SLC38A4: variants seen among roughly 807,000 people sequenced by gnomAD.
SLC38A4 encodes the protein sodium-coupled neutral amino acid transporter 4.
In SLC38A4, 20 loss-of-function variants were observed where a neutral mutation model predicts 63.1. That is an observed-to-expected ratio of 0.32 (90% confidence interval 0.22 to 0.46). The LOEUF (loss-of-function observed/expected upper bound fraction) is 0.46, where lower values mean the gene tolerates loss of function less well. SLC38A4 is among the 20% of genes least tolerant of loss of function. The pLI, the probability that SLC38A4 is intolerant of heterozygous loss-of-function variation, is 1.00. For missense variants in SLC38A4, 526 were observed against 663.6 expected (o/e 0.79, Z 2.28); for synonymous variants, 230 against 225.5 (o/e 1.02, Z -0.18).
In SLC38A4 at chr12:46,778,327, G is replaced by A; in HGVS notation, c.1035C>T (p.Cys345=). 3 of 1,612,666 alleles carry A rather than the reference G, an allele frequency of 1.9e-6. No individual in the cohort carries two copies. Among genetic ancestry groups the A allele is most frequent in the Non-Finnish European group, 2.5e-6 (3 of 1,179,142 alleles). The change falls in exon 12 of 17, where the codon TGC becomes TGT. Residue 345 remains cysteine, a synonymous_variant. Coordinates refer to ENST00000266579, the MANE Select transcript of SLC38A4 (RefSeq NM_018018.5). ...TGTAGATGGGAAGGACCTCAGGGTG[G>A]CATACAAAAGCAAATACTAGGATAG... is the stretch of plus-strand genomic sequence containing the variant. ...AIPILVFAFV[C]HPEVLPIYSE...
chr12:46,807,892 C>CA (rs543740560), intron 1 of SLC38A4, among the ~76,000 whole-genome samples: 1 of 128,894 alleles, frequency 7.8e-6, no homozygotes, highest in African/African-American at 2.8e-5. Context: ...AAATGTTACC[C>CA]CCCCCCCCAA....
At chr12:46,768,288 G>A (rs771293759) in intron 16 of SLC38A4, 22 bp downstream of exon 16, 2 of 1,527,882 alleles carry the variant, frequency 1.3e-6, no homozygotes, top group East Asian at 4.5e-5. Context: ...TAATAATGGG[G>A]GAAATTGCAA....
Position 46,793,166 on chromosome 12 carries a change from T to A in SLC38A4, c.-95A>T, listed in dbSNP as rs1373571971. On this transcript the variant is annotated 5_prime_UTR_variant, in exon 3 of 17. Transcript: ENST00000266579. ...TTAAGGTTCTTCCACTTTGTGTTGA[T>A]GTTCAGAACACTCTGTTCTGCAAAC... 3 of 809,132 alleles carry A rather than the reference T, an allele frequency of 3.7e-6. No individual in the cohort carries two copies. The Admixed American group carries it at 5.6e-5, about 15-fold the overall frequency. 50.1% of individuals were successfully genotyped at this position (809,132 alleles called of 1,614,324 possible).
At chr12:46,796,351 T>G (rs1939004416) in intron 2 of SLC38A4, among the ~76,000 whole-genome samples, 1 of 152,188 alleles carries the variant, frequency 6.6e-6, no homozygotes. Context: ...TTCCCTAAAT[T>G]ATACGTTTCT....
Position 46,765,656 on chromosome 12 carries a change from T to A in SLC38A4, c.*1045A>T. On this transcript the variant is annotated 3_prime_UTR_variant, in exon 17 of 17. Coordinates refer to ENST00000266579, the MANE Select transcript of SLC38A4 (RefSeq NM_018018.5). ...CCCCCACCCCCAATAATATAAATGC[T>A]TTGACTGTGAAGAAAGAAAACTACA... is the stretch of plus-strand genomic sequence containing the variant. 1 of 177,318 alleles carries A rather than the reference T, an allele frequency of 5.6e-6. No individual in the cohort carries two copies. 11.0% of individuals were successfully genotyped at this position (177,318 alleles called of 1,614,324 possible).
In SLC38A4 at chr12:46,774,910, C is replaced by T. The variant is rs1014814566; in HGVS notation, c.1299+139G>A. The T allele has an allele frequency of 3.7e-5, 37 of 1,004,352 alleles. No individual in the cohort carries two copies. The African/African-American group carries it at 5.3e-4, about 14-fold the overall frequency. 62.2% of individuals were successfully genotyped at this position (1,004,352 alleles called of 1,614,324 possible). ...ATTAAATGGCCAATTTTAAGTGACT[C>T]AAAATGCTATAGGAAAATAATATCC... On this transcript the variant is annotated intron_variant, in intron 14 of 16. Transcript: ENST00000266579.
chr12:46,789,105 G>A (rs1230517649), intron 3 of SLC38A4, among the ~76,000 whole-genome samples: 2 of 151,994 alleles, frequency 1.3e-5, no homozygotes, highest in African/African-American at 4.8e-5. Flanking sequence ...GGCTCAGAAA[G>A]GTGAAGCAGC....
upstream of SLC38A4, among the ~76,000 whole-genome samples, chr12:46,829,246 C>T (rs1432620832): frequency 6.6e-6 from 1 of 152,112 alleles, no homozygotes; most frequent in East Asian, 1.9e-4. Flanking sequence ...TTCACTTGTC[C>T]CTCCCCTACT....
chr12:46,768,198 A>AT, intron 16 of SLC38A4, 112 bp downstream of exon 16: 1 of 748,546 alleles, frequency 1.3e-6, no homozygotes, highest in Non-Finnish European at 2.1e-6. Flanking sequence ...CCCAGTTTTG[A>AT]TTTTTGGTTC....
intron 9 of SLC38A4, 39 bp downstream of exon 9, chr12:46,779,741 A>C: frequency 6.3e-7 from 1 of 1,585,184 alleles, no homozygotes; most frequent in Non-Finnish European, 8.6e-7. Context: ...TAAATGTGAA[A>C]TAAAAATAAA....
chr12:46,766,217 G>T lies in SLC38A4; in HGVS notation c.*484C>A. ...AAACAGTTCCTAAGACATGCCTTTTGCCTCTGTTAGTAAACAGACCAGAGA... is the reference window on the plus strand; with the variant it reads ...AAACAGTTCCTAAGACATGCCTTTTTCCTCTGTTAGTAAACAGACCAGAGA... On this transcript the variant is annotated 3_prime_UTR_variant, in exon 17 of 17. Transcript: ENST00000266579. 5.6e-6 allele frequency: 2 copies of T among 359,508 alleles called. No individual in the cohort carries two copies. Among genetic ancestry groups the T allele is most frequent in the Non-Finnish European group, 1.1e-5 (2 of 181,700 alleles). The allele number at this position is 359,508 out of a possible 1,614,324, so 22.3% of individuals were successfully genotyped here.
intron 7 of SLC38A4, among the ~76,000 whole-genome samples, chr12:46,783,267 AG>A (rs1938687440): frequency 2.0e-5 from 3 of 146,794 alleles, no homozygotes; most frequent in East Asian, 4.0e-4. Context: ...ATAGATAGAT[AG>A]ATAGATAAAG....
chr12:46,768,108 C>T (rs1279013762), intron 16 of SLC38A4, among the ~76,000 whole-genome samples: 1 of 152,134 alleles, frequency 6.6e-6, no homozygotes, highest in Non-Finnish European at 1.5e-5. Context: ...ACAGACTCAA[C>T]ACAGGATATT....
At position 46,778,648 on chromosome 12, in the gene SLC38A4, A is replaced by G. The variant is rs138924323; in HGVS notation, c.846T>C (p.Asp282=). 52 of 1,613,054 alleles carry G rather than the reference A, an allele frequency of 3.2e-5. No individual in the cohort carries two copies. The African/African-American group carries it at 6.3e-4, about 19-fold the overall frequency. ...GGGTGTAATCCATCATGAAGTTCAC[A>G]TCAGAACTCTCAGAGTTGTTGGGTA... is the stretch of plus-strand genomic sequence containing the variant. ...VMLPNNSESS[D]VNFMMDYTHR... The change falls in exon 11 of 17, where the codon GAT becomes GAC. Residue 282 remains aspartate (D), a synonymous_variant. Transcript: ENST00000266579.
chr12:46,779,319 T>A (rs1938592276), intron 10 of SLC38A4, among the ~76,000 whole-genome samples: 1 of 151,940 alleles, frequency 6.6e-6, no homozygotes, highest in Non-Finnish European at 1.5e-5. Context: ...TCTCCTCTGC[T>A]GTTCTAAATG....
intron 1 of SLC38A4, among the ~76,000 whole-genome samples, chr12:46,815,280 T>TAC (rs1248952786): frequency 2.2e-5 from 2 of 90,450 alleles, no homozygotes; most frequent in East Asian, 4.4e-4. Flanking sequence ...TATATATATA[T>TAC]ATATACACAC....
intron 1 of SLC38A4, among the ~76,000 whole-genome samples, chr12:46,813,080 T>C (rs938602330): frequency 1.3e-5 from 2 of 152,020 alleles, no homozygotes; most frequent in Admixed American, 1.3e-4. Context: ...AGTGTCTCTA[T>C]GTCTTTTGGC....
intron 1 of SLC38A4, among the ~76,000 whole-genome samples, chr12:46,812,942 T>C (rs987046001): frequency 1.3e-5 from 2 of 152,090 alleles, no homozygotes; most frequent in African/African-American, 4.8e-5. Context: ...TAAATGTGAA[T>C]TGGAATGAGC....
chr12:46,803,973 T>C lies in SLC38A4; in HGVS notation c.-304-179A>G, dbSNP rs115506191. 4.0e-3 allele frequency among the ~76,000 whole-genome samples: 607 copies of C among 152,200 alleles called. 7 individuals carry two copies. Among genetic ancestry groups the C allele is most frequent in the African/African-American group, 0.014 (577 of 41,570 alleles). The stretch of plus-strand genomic sequence containing the variant: ...TTAAGATTTTACTAGGTTGGTTGAC[T>C]GATGAATCCAGAAATATTCCGTTTT... On this transcript the variant is annotated intron_variant, in intron 1 of 16. Coordinates refer to ENST00000266579, the MANE Select transcript of SLC38A4 (RefSeq NM_018018.5).
Sources: gnomAD v4.1 joint callset for allele counts (sites outside exome capture counted in the v4.1 genomes callset) on GRCh38, gnomAD v4.1.1 for gene constraint, MANE v1.5 for transcripts, NCBI Gene and HGNC (gene_info 2026-07-23, HGNC 2026-07-21) for gene names.